The following ELP1 variants were observed in gnomAD, a reference collection of about 807,000 sequenced individuals.
ELP1 encodes elongator complex protein 1.
In ELP1, 131 loss-of-function variants were observed where a neutral mutation model predicts 183.2. That is an observed-to-expected ratio of 0.72 (90% CI 0.62 to 0.83). ELP1 has a LOEUF of 0.83. ELP1 is among the 40% of genes least tolerant of loss of function. The probability of loss-of-function intolerance (pLI) is 0.00; values close to 1 mark genes in which losing one functional copy is unlikely to be tolerated. For synonymous variants in ELP1, 555 were observed against 569.0 expected, an observed-to-expected ratio of 0.98 and a Z score of 0.35; for missense variants, 1,550 against 1,594.9, an observed-to-expected ratio of 0.97 and a Z score of 0.48.
In ELP1 at chr9:108,900,150, A is replaced by G; in HGVS notation, c.2130+110T>C. The G allele has an allele frequency of 3.5e-6, 3 of 866,896 alleles. No individual in the cohort carries two copies. In the South Asian group the frequency reaches 4.2e-5, roughly 12 times the overall value. 53.7% of individuals were successfully genotyped at this position (866,896 alleles called of 1,614,324 possible). On this transcript the variant is annotated intron_variant, in intron 19 of 36. Coordinates refer to ENST00000374647, the MANE Select transcript of ELP1 (RefSeq NM_003640.5). ...GAAAACTATCAAGGAAAGGTTTACA[A>G]TAAACGATACAAAGAATAAGAAAGC... is the stretch of plus-strand genomic sequence containing the variant.
At chr9:108,917,756 A>C in intron 8 of ELP1, 86 bp from the exon 9 acceptor site, 1 of 1,345,188 alleles carries the variant, frequency 7.4e-7, no homozygotes, top group Non-Finnish European at 1.1e-6. Context: ...TTTTCCAGCA[A>C]ACATGAATGA....
chr9:108,890,774 C>T (rs1828298894), intron 28 of ELP1, among the ~76,000 whole-genome samples: 2 of 152,204 alleles, frequency 1.3e-5, no homozygotes, highest in Admixed American at 1.3e-4. Flanking sequence ...AGGGCACAGC[C>T]CATCCAGCTA....
Position 108,880,255 on chromosome 9 carries a change from T to C in ELP1, c.3347-90A>G, listed in dbSNP as rs7874280. ...GGGGAGCAGTGAAGGAGGGTTAAAA[T>C]TCAGCAAAAAGAAAGAGGTTACTAG... On this transcript the variant is annotated intron_variant, in intron 31 of 36. Transcript: ENST00000374647. 112,105 of 852,184 alleles carry C rather than the reference T, an allele frequency of 0.13. 8,473 individuals carry two copies. The highest frequency in any genetic ancestry group is 0.17 in the African/African-American group (9,983 of 60,486). The allele number at this position is 852,184 out of a possible 1,614,324, so 52.8% of individuals were successfully genotyped here. A position where few individuals can be genotyped will look rare whatever the true frequency, so the allele number is the denominator to read the frequency against.
chr9:108,920,408 A>G (rs1179964923), intron 6 of ELP1, among the ~76,000 whole-genome samples: 3 of 151,948 alleles, frequency 2.0e-5, no homozygotes, highest in Non-Finnish European at 4.4e-5. Context: ...TAGCTTCTCA[A>G]GTAGCTGAGA....
At chr9:108,910,824 T>C (rs560472029) in intron 12 of ELP1, among the ~76,000 whole-genome samples, 186 bp downstream of exon 12, 13 of 109,384 alleles carry the variant, frequency 1.2e-4, no homozygotes, top group African/African-American at 4.8e-4. Context: ...CAAACCAGTA[T>C]AGGATTAAAA....
intron 12 of ELP1, 102 bp downstream of exon 12, chr9:108,910,908 G>T: frequency 2.0e-6 from 2 of 985,468 alleles, no homozygotes; most frequent in Non-Finnish European, 1.6e-6. Flanking sequence ...TAAAAATTTT[G>T]AGAAACACTA....
intron 13 of ELP1, among the ~76,000 whole-genome samples, chr9:108,906,814 AC>A (rs1829040337): frequency 6.6e-6 from 1 of 152,170 alleles, no homozygotes; most frequent in South Asian, 2.1e-4. Context: ...GCCATGACTT[AC>A]CAGCATTCAA....
chr9:108,891,211 G>A lies in ELP1; in HGVS notation c.3152C>T (p.Thr1051Ile), dbSNP rs747546817. The change falls in exon 28 of 37, where the codon ACT becomes ATT. Residue 1051 changes from threonine to isoleucine, a missense_variant. Transcript: ENST00000374647. ...TAAATGATTGTACTTACCTGCCAGAGTTCTGCCGAGGCCCACCAGCTGGTC... is the reference window on the plus strand; with the variant it reads ...TAAATGATTGTACTTACCTGCCAGAATTCTGCCGAGGCCCACCAGCTGGTC... Reference protein sequence around the residue: ...TKDQLVGLGRTLAGKLVEQRK... With the variant: ...TKDQLVGLGRILAGKLVEQRK... 3 of 1,613,978 alleles carry A rather than the reference G, an allele frequency of 1.9e-6. No homozygotes were observed. Among genetic ancestry groups the A allele is most frequent in the Non-Finnish European group, 2.5e-6 (3 of 1,179,972 alleles).
rs1367105778 is a variant in ELP1, at chr9:108,893,803, C to T, written c.2860+140G>A. 4.2e-5 allele frequency: 38 copies of T among 899,404 alleles called. 1 individual carries two copies. The highest frequency in any genetic ancestry group is 3.4e-4 in the South Asian group (23 of 67,882). 55.7% of individuals were successfully genotyped at this position (899,404 alleles called of 1,614,324 possible). A position where few individuals can be genotyped will look rare whatever the true frequency, so the allele number is the denominator to read the frequency against. On this transcript the variant is annotated intron_variant, in intron 26 of 36. Coordinates refer to ENST00000374647, the MANE Select transcript of ELP1 (RefSeq NM_003640.5). ...CTTTTCAGAACACAGGACAAAATAA[C>T]GTGAGCATACATAATTGTTAGAGTT...
Position 108,914,782 on chromosome 9 carries a change from C to T in ELP1, c.958+1422G>A, listed in dbSNP as rs538646430. 2.6e-4 allele frequency among the ~76,000 whole-genome samples: 39 copies of T among 152,166 alleles called. 1 individual carries two copies. The highest frequency in any genetic ancestry group is 2.2e-3 in the Admixed American group (34 of 15,298). ...CTGGGACTACAGGCGCCTGCCACCACGCCCAGCTAATTTTTTGTATTTTTA... is the reference window on the plus strand; with the variant it reads ...CTGGGACTACAGGCGCCTGCCACCATGCCCAGCTAATTTTTTGTATTTTTA... On this transcript the variant is annotated intron_variant, in intron 10 of 36. Transcript: ENST00000374647.
At position 108,906,365 on chromosome 9, in the gene ELP1, G is replaced by A; in HGVS notation, c.1581C>T (p.Val527=). The stretch of plus-strand genomic sequence containing the variant: ...AAGAAGCTGCAGTCAAATGGTGAAT[G>A]ACAGACCGGGGGCTGAACTCACTGT... ...VSHSEFSPRS[V]IHHLTAASSE... The change falls in exon 14 of 37, where the codon GTC becomes GTT. Residue 527 remains valine (V), a synonymous_variant. Coordinates refer to ENST00000374647, the MANE Select transcript of ELP1 (RefSeq NM_003640.5). The A allele has an allele frequency of 6.2e-7, 1 of 1,614,126 alleles. No homozygotes were observed. Among genetic ancestry groups the A allele is most frequent in the Non-Finnish European group, 8.5e-7 (1 of 1,179,958 alleles).
At chr9:108,877,962 A>G (rs771727737) in intron 35 of ELP1, 33 bp downstream of exon 35, 1 of 1,611,702 alleles carries the variant, frequency 6.2e-7, no homozygotes, top group Non-Finnish European at 8.5e-7. Context: ...GAAAATGATG[A>G]AAAAAATGCA....
intron 36 of ELP1, among the ~76,000 whole-genome samples, chr9:108,870,402 T>C (rs1316373600): frequency 6.6e-6 from 1 of 152,150 alleles, no homozygotes; most frequent in Non-Finnish European, 1.5e-5. Context: ...TACAATAAAG[T>C]AAGCTAGAGA....
chr9:108,912,754 T>A (rs932585792), intron 10 of ELP1, among the ~76,000 whole-genome samples: 2 of 110,690 alleles, frequency 1.8e-5, no homozygotes, highest in Non-Finnish European at 1.9e-5. Flanking sequence ...TTTATTTTCG[T>A]TTTTTTTTTT....
chr9:108,876,570 C>G (rs956239104), intron 35 of ELP1, among the ~76,000 whole-genome samples: 15 of 152,150 alleles, frequency 9.9e-5, no homozygotes, highest in Admixed American at 2.6e-4. Flanking sequence ...CTCCAACCCA[C>G]CCTTCTATCC....
chr9:108,889,844 C>T (rs1828255584), intron 28 of ELP1, among the ~76,000 whole-genome samples: 1 of 152,110 alleles, frequency 6.6e-6, no homozygotes, highest in Non-Finnish European at 1.5e-5. Context: ...TGGTAGATTC[C>T]GGTCTCTCAT....
chr9:108,898,563 C>T lies in ELP1; in HGVS notation c.2302G>A (p.Glu768Lys). The change falls in exon 22 of 37, where the codon GAA becomes AAA. Residue 768 changes from glutamate to lysine, a missense_variant. Physicochemically the swap from Glu to Lys is moderately conservative, Grantham distance 56 (BLOSUM62 1). Coordinates refer to ENST00000374647, the MANE Select transcript of ELP1 (RefSeq NM_003640.5). Reference sequence around the variant, plus strand: ...GAATCTATCTGTTTAATGAAGGTTTCCACATTTCCAAGAAACACCTACCAA... The same window carrying T: ...GAATCTATCTGTTTAATGAAGGTTTTCACATTTCCAAGAAACACCTACCAA... ...HNPKVFLGNV[E>K]TFIKQIDSVN... 1 of 1,606,296 alleles carries T rather than the reference C, an allele frequency of 6.2e-7. No homozygotes were observed. The highest frequency in any genetic ancestry group is 8.5e-7 in the Non-Finnish European group (1 of 1,173,866).
chr9:108,928,007 C>T (rs1002104844), intron 3 of ELP1, among the ~76,000 whole-genome samples: 5 of 152,122 alleles, frequency 3.3e-5, no homozygotes, highest in Non-Finnish European at 7.4e-5. Flanking sequence ...AGTAATTGCA[C>T]ATTTTAAAAT....
intron 33 of ELP1, 117 bp downstream of exon 33, chr9:108,879,329 T>C: frequency 1.3e-6 from 1 of 774,998 alleles, no homozygotes; most frequent in Non-Finnish European, 2.3e-6. Flanking sequence ...CACACAGCGC[T>C]GAAGAATATT....
Sources: allele counts gnomAD v4.1 joint callset (sites outside exome capture counted in the v4.1 genomes callset), GRCh38; gene constraint gnomAD v4.1.1; transcripts MANE v1.5; gene names NCBI Gene and HGNC (gene_info 2026-07-23, HGNC 2026-07-21).